Variants in SAG observed in about 807,000 individuals in gnomAD.
SAG encodes S-antigen visual arrestin.
In SAG, 45 loss-of-function variants were observed where a neutral mutation model predicts 55.0. The ratio of observed to expected loss-of-function variants is 0.82; its 90% CI spans 0.64 to 1.05. The LOEUF (loss-of-function observed/expected upper bound fraction) is 1.05. SAG is among the 50% of genes least tolerant of loss of function. The pLI is 0.00. For synonymous variants in SAG, 189 were observed against 197.4 expected (o/e 0.96, Z 0.36); for missense variants, 455 against 512.1 (o/e 0.89, Z 1.08).
In SAG at chr2:233,343,792, A is replaced by G. The variant is rs1413638882; in HGVS notation, c.1102+1466A>G. 4 of 1,023,464 alleles carry G rather than the reference A, an allele frequency of 3.9e-6. No homozygotes were observed. In the African/African-American group the frequency reaches 6.9e-5, roughly 18 times the overall value. 63.4% of individuals were successfully genotyped at this position (1,023,464 alleles called of 1,614,324 possible). A position where few individuals can be genotyped will look rare whatever the true frequency, so the allele number is the denominator to read the frequency against. On this transcript the variant is annotated intron_variant, in intron 14 of 15. Coordinates refer to ENST00000409110, the MANE Select transcript of SAG (RefSeq NM_000541.5). ...GGGATATTTTAAGTAAAAGTGGTAT[A>G]AACAAGCAGGGTTTATTTTTCTCAT...
Position 233,342,319 on chromosome 2 carries a change from GGACCCA to G in SAG, c.1097_1102del (p.Asp366_Pro367del). ...TCCGCCTCATGCACCCTCAGCCTGA[GGACCCA>G]GGTCAGTTATGTCCTTTTTTAGCTT... is the stretch of plus-strand genomic sequence containing the variant. On this transcript the variant is annotated inframe_deletion and splice_region_variant, in exon 14 of 16. Transcript: ENST00000409110. 6.2e-7 allele frequency: 1 copy of G among 1,606,982 alleles called. No individual in the cohort carries two copies. The highest frequency in any genetic ancestry group is 1.1e-5 in the South Asian group (1 of 89,722).
intron 10 of SAG, chr2:233,331,949 A>G (rs1380297187): frequency 5.6e-6 from 3 of 531,686 alleles, no homozygotes; most frequent in Non-Finnish European, 1.0e-5. Flanking sequence ...CCAAAGAATG[A>G]CGCAGAGGAG....
chr2:233,308,343 C>T (rs1699995055), intron 1 of SAG, among the ~76,000 whole-genome samples: 1 of 152,134 alleles, frequency 6.6e-6, no homozygotes. Flanking sequence ...GTGTCACACA[C>T]CTGTAGTCCT....
chr2:233,324,199 C>A lies in SAG; in HGVS notation c.435+1194C>A, dbSNP rs1700476013. ...ATCAACCCAGGAGTTCAAGACTAGC[C>A]CGGGCAACGTGGCGAGACCCCATCT... On this transcript the variant is annotated intron_variant, in intron 6 of 15. Transcript: ENST00000409110. Among the ~76,000 whole-genome samples, 4 of 152,058 alleles carry A rather than the reference C, an allele frequency of 2.6e-5. No homozygotes were observed. In the South Asian group the frequency reaches 8.3e-4, roughly 32 times the overall value.
intron 2 of SAG, among the ~76,000 whole-genome samples, chr2:233,315,728 A>G (rs537195198): frequency 2.9e-3 from 421 of 146,664 alleles, no homozygotes; most frequent in Non-Finnish European, 5.0e-3. Flanking sequence ...TTTGAGACGG[A>G]GTCTCACTCT....
intron 6 of SAG, among the ~76,000 whole-genome samples, chr2:233,323,461 T>A (rs1449311293): frequency 1.3e-5 from 2 of 152,058 alleles, no homozygotes; most frequent in Admixed American, 1.3e-4. Flanking sequence ...CCTGACAGGT[T>A]CAAGCGATTC....
chr2:233,337,648 C>T (rs576221559), intron 11 of SAG, among the ~76,000 whole-genome samples: 1 of 152,154 alleles, frequency 6.6e-6, no homozygotes, highest in Non-Finnish European at 1.5e-5. Context: ...TCAGAGGTTC[C>T]CGAGCTGACG....
intron 11 of SAG, among the ~76,000 whole-genome samples, chr2:233,335,890 T>A (rs764401516): frequency 6.6e-6 from 1 of 152,232 alleles, no homozygotes; most frequent in Non-Finnish European, 1.5e-5. Flanking sequence ...GTGGCCCCAG[T>A]AGACCACCTC....
rs1411502505 is a variant in SAG, at chr2:233,323,576, T to C, written c.435+571T>C. On this transcript the variant is annotated intron_variant, in intron 6 of 15. Coordinates refer to ENST00000409110, the MANE Select transcript of SAG (RefSeq NM_000541.5). ...TGGGTTTTCTCCACATTGGTCAGGC[T>C]GGTCTCGAACTCCCGACCTCAGGTG... Among the ~76,000 whole-genome samples, 7 of 151,968 alleles carry C rather than the reference T, an allele frequency of 4.6e-5. No homozygotes were observed. In the East Asian group the frequency reaches 1.4e-3, roughly 29 times the overall value.
At chr2:233,333,887 C>T (rs1335141345) in intron 10 of SAG, 2 of 152,210 alleles carry the variant, frequency 1.3e-5, no homozygotes, top group African/African-American at 4.8e-5. Context: ...TTCCTGTAGA[C>T]ACTGGAGGCA....
At chr2:233,338,859 T>A in intron 12 of SAG, 106 bp downstream of exon 12, 1 of 916,520 alleles carries the variant, frequency 1.1e-6, no homozygotes, top group Non-Finnish European at 1.8e-6. Flanking sequence ...GAAAGGCCCA[T>A]AGCTTCTACC....
chr2:233,329,133 T>C, intron 8 of SAG: 1 of 301,136 alleles, frequency 3.3e-6, no homozygotes. Context: ...GCACTGTGTG[T>C]ATACACGTGT....
intron 7 of SAG, 78 bp from the exon 8 acceptor site, chr2:233,328,400 A>C (rs553519798): frequency 2.0e-6 from 3 of 1,512,374 alleles, no homozygotes; most frequent in Non-Finnish European, 2.7e-6. Context: ...TCTCCATGTG[A>C]CAGTGGGGAG....
intron 2 of SAG, among the ~76,000 whole-genome samples, chr2:233,310,915 C>T (rs889403295): frequency 6.6e-6 from 1 of 152,148 alleles, no homozygotes; most frequent in Non-Finnish European, 1.5e-5. Flanking sequence ...CTTCTCCTCT[C>T]CTAGTTAAGG....
At chr2:233,328,935 C>T in intron 8 of SAG, 1 of 313,408 alleles carries the variant, frequency 3.2e-6, no homozygotes, top group Non-Finnish European at 5.8e-6. Context: ...GCCTTGTTCA[C>T]TCATGGAGCA....
rs1333850874 is a variant in SAG at position 233,319,278 on chromosome 2, A to C, written c.181+483A>C. 9.9e-6 allele frequency among the ~76,000 whole-genome samples: 1 copy of C among 100,682 alleles called. No homozygotes were observed. The highest frequency in any genetic ancestry group is 2.3e-4 in the East Asian group (1 of 4,324). The allele number at this position is 100,682 out of a possible 152,430, so 66.1% of individuals were successfully genotyped here. A position where few individuals can be genotyped will look rare whatever the true frequency, so the allele number is the denominator to read the frequency against. On this transcript the variant is annotated intron_variant, in intron 4 of 15. Transcript: ENST00000409110. The surrounding 1 kb of genome is among the most constrained non-coding windows in gnomAD (Gnocchi z 4.4). ...TCTCAACCAACACCAAAAAGGGGGA[A>C]ATGATGCCTGCTGGGGGCAGGGGGA... is the stretch of plus-strand genomic sequence containing the variant.
rs546544861 is a variant in SAG at position 233,328,319 on chromosome 2, C to T, written c.513-159C>T. ...CCAGGCTCTTCCACCGTCAGGGCTG[C>T]CTCAGGCTCTGACCAGTGTCGTTGC... On this transcript the variant is annotated intron_variant, in intron 7 of 15. Coordinates refer to ENST00000409110, the MANE Select transcript of SAG (RefSeq NM_000541.5). 6 of 779,180 alleles carry T rather than the reference C, an allele frequency of 7.7e-6. No homozygotes were observed. In the East Asian group the frequency reaches 1.7e-4, roughly 22 times the overall value. 48.3% of individuals were successfully genotyped at this position (779,180 alleles called of 1,614,324 possible).
rs774409736 is a variant in SAG, at chr2:233,316,145, T to C, written c.136+10T>C. 6.4e-7 allele frequency: 1 copy of C among 1,552,790 alleles called. No individual in the cohort carries two copies. The highest frequency in any genetic ancestry group is 1.8e-5 in the Admixed American group (1 of 56,928). ...CAAGTCCAGCCTGTGGGTAAGTTGC[T>C]TGGAGAAAACTGTAATGCTGGTTTT... On this transcript the variant is annotated intron_variant, in intron 3 of 15. Transcript: ENST00000409110.
At chr2:233,334,631 G>A (rs1307598677) in intron 10 of SAG, 6 of 229,288 alleles carry the variant, frequency 2.6e-5, no homozygotes, top group South Asian at 1.5e-4. Context: ...GCAGGCCACC[G>A]TGTGGTTCAC....
Sources: allele counts gnomAD v4.1 joint callset (sites outside exome capture counted in the v4.1 genomes callset), GRCh38; gene constraint gnomAD v4.1.1; non-coding constraint Gnocchi (gnomAD v3.1); transcripts MANE v1.5; gene names NCBI Gene and HGNC (gene_info 2026-07-23, HGNC 2026-07-21).